SHPRH: variants seen among roughly 807,000 people sequenced by gnomAD.
The protein encoded by SHPRH is E3 ubiquitin-protein ligase SHPRH.
In SHPRH, 106 loss-of-function variants were observed where a neutral mutation model predicts 202.5. The observed-to-expected ratio is 0.52, with a 90% CI of 0.45 to 0.62. The LOEUF is 0.62. Ranked by LOEUF, SHPRH falls within the 20% of genes least tolerant of loss-of-function variation. The probability of loss-of-function intolerance (pLI) is 0.00; values close to 1 mark genes in which losing one functional copy is unlikely to be tolerated. For synonymous variants in SHPRH, 729 were observed against 686.0 expected (o/e 1.06, Z -0.98); for missense variants, 1,710 against 2,020.0 (o/e 0.85, Z 2.94).
intron 19 of SHPRH, 44 bp from the exon 20 acceptor site, chr6:145,922,392 G>A: frequency 6.5e-7 from 1 of 1,529,932 alleles, no homozygotes; most frequent in Middle Eastern, 1.8e-4. Context: ...AACATAACCA[G>A]CAATCTGGTA....
intron 8 of SHPRH, among the ~76,000 whole-genome samples, chr6:145,944,679 C>T (rs1001285099): frequency 2.0e-5 from 3 of 151,796 alleles, no homozygotes; most frequent in African/African-American, 7.3e-5. Context: ...TCTTGGTGGC[C>T]GAGCTGGTAG....
chr6:145,955,293 T>A lies in SHPRH; in HGVS notation c.30A>T (p.Pro10=). The change falls in exon 2 of 30, where the codon CCA becomes CCT. Residue 10 remains proline, a synonymous_variant. Coordinates refer to ENST00000275233, the MANE Select transcript of SHPRH (RefSeq NM_001042683.3). The part of the protein sequence containing the change: MSSRRKRAP[P]VRVDEEKRQQ... Reference sequence around the variant, plus strand: ...GCCTCTTTTCCTCATCTACCCTCACTGGAGGAGCACGTTTCCGTCGGCTGC... The same window carrying A: ...GCCTCTTTTCCTCATCTACCCTCACAGGAGGAGCACGTTTCCGTCGGCTGC... 1 of 1,604,872 alleles carries A rather than the reference T, an allele frequency of 6.2e-7. No homozygotes were observed. The highest frequency in any genetic ancestry group is 8.5e-7 in the Non-Finnish European group (1 of 1,176,384).
chr6:145,961,093 G>A (rs552389854), intron 1 of SHPRH, among the ~76,000 whole-genome samples: 6 of 152,054 alleles, frequency 3.9e-5, no homozygotes, highest in Admixed American at 1.3e-4. Flanking sequence ...AATGCAGCCC[G>A]GTTCTAACAG....
In SHPRH at chr6:145,885,700, G is replaced by A. The variant is rs1030222133; in HGVS notation, c.*991C>T. The A allele has an allele frequency of 4.6e-5, 7 of 152,096 alleles. 1 individual carries two copies. The highest frequency in any genetic ancestry group is 1.3e-4 in the Admixed American group (2 of 15,252). 9.4% of individuals were successfully genotyped at this position (152,096 alleles called of 1,614,324 possible). On this transcript the variant is annotated 3_prime_UTR_variant, in exon 30 of 30. Transcript: ENST00000275233. The stretch of plus-strand genomic sequence containing the variant: ...GCTTATGTGAACATGGCATTCTCTT[G>A]TTCAAAAGGTCAAAGACTCGTGCTT...
In SHPRH at chr6:145,948,413, A is replaced by T. The variant is rs1417383868; in HGVS notation, c.983-63T>A. 5 of 1,292,626 alleles carry T rather than the reference A, an allele frequency of 3.9e-6. No individual in the cohort carries two copies. In the Admixed American group the frequency reaches 7.6e-5, roughly 20 times the overall value. 80.1% of individuals were successfully genotyped at this position (1,292,626 alleles called of 1,614,324 possible). ...TTCCCTTCAGTCAGATAATCACATT[A>T]AAAAAAGAATAGGTTAACAGTGAGG... On this transcript the variant is annotated intron_variant, in intron 4 of 29. Coordinates refer to ENST00000275233, the MANE Select transcript of SHPRH (RefSeq NM_001042683.3).
At position 145,923,684 on chromosome 6, in the gene SHPRH, G is replaced by A. The variant is rs1321662879; in HGVS notation, c.3504C>T (p.Ser1168=). 1 of 1,611,598 alleles carries A rather than the reference G, an allele frequency of 6.2e-7. No homozygotes were observed. Among genetic ancestry groups the A allele is most frequent in the East Asian group, 2.2e-5 (1 of 44,788 alleles). Residue 1168 remains serine, a synonymous_variant, in exon 18 of 30, where the codon AGC becomes AGT. Coordinates refer to ENST00000275233, the MANE Select transcript of SHPRH (RefSeq NM_001042683.3). ...LVQRVRNEIT[S]NYKQQTGKLS... is the part of the protein sequence containing the mutation. Reference sequence around the variant, plus strand: ...GCTTGCCAGTTTGTTGCTTGTAGTTGCTGGTTATTTCATTTCGCACTCGCT... The same window carrying A: ...GCTTGCCAGTTTGTTGCTTGTAGTTACTGGTTATTTCATTTCGCACTCGCT...
rs1780900873 is a variant in SHPRH, at chr6:145,885,275, T to C, written c.*1416A>G. The C allele has an allele frequency of 6.6e-6, 1 of 152,384 alleles. No homozygotes were observed. The highest frequency in any genetic ancestry group is 2.4e-5 in the African/African-American group (1 of 41,466). The allele number at this position is 152,384 out of a possible 1,614,324, so 9.4% of individuals were successfully genotyped here. ...ATGTGAAGAGCTATAAAAATAACAGTTTGATTTAATTTCATATAAAAGAAT... is the reference window on the plus strand; with the variant it reads ...ATGTGAAGAGCTATAAAAATAACAGCTTGATTTAATTTCATATAAAAGAAT... On this transcript the variant is annotated 3_prime_UTR_variant, in exon 30 of 30. Coordinates refer to ENST00000275233, the MANE Select transcript of SHPRH (RefSeq NM_001042683.3).
intron 15 of SHPRH, among the ~76,000 whole-genome samples, chr6:145,926,758 A>G (rs1162064106): frequency 2.0e-5 from 3 of 151,920 alleles, no homozygotes; most frequent in Non-Finnish European, 4.4e-5. Flanking sequence ...GGAAAGAGAA[A>G]TAAGTGTTAT....
intron 4 of SHPRH, among the ~76,000 whole-genome samples, chr6:145,949,760 TC>T: frequency 6.6e-6 from 1 of 152,032 alleles, no homozygotes; most frequent in East Asian, 1.9e-4. Flanking sequence ...CATAAATGCC[TC>T]CCGTAAAACT....
At chr6:145,865,475 G>A (rs2249386) in intron 2 of SHPRH, among the ~76,000 whole-genome samples, 55,886 of 152,040 alleles carry the variant, frequency 0.37, 10,750 homozygotes, top group South Asian at 0.48. Context: ...ATGAATGAAC[G>A]AATAAAATCT....
chr6:145,861,293 C>T (rs1779570672), downstream of SHPRH, among the ~76,000 whole-genome samples: 1 of 151,726 alleles, frequency 6.6e-6, no homozygotes, highest in African/African-American at 2.4e-5. Context: ...GGACCTGAAC[C>T]AACATTTATC....
At chr6:145,901,639 C>A (rs1216157075) in intron 25 of SHPRH, among the ~76,000 whole-genome samples, 1 of 152,066 alleles carries the variant, frequency 6.6e-6, no homozygotes, top group Non-Finnish European at 1.5e-5. Context: ...CAAAGTTAAG[C>A]TGGAATGTTA....
intron 2 of SHPRH, among the ~76,000 whole-genome samples, chr6:145,867,621 T>TAGAGAG (rs1228047772): frequency 3.6e-4 from 25 of 69,998 alleles, no homozygotes; most frequent in African/African-American, 8.4e-4. Context: ...TATATATATA[T>TAGAGAG]ATATATATAT....
intron 1 of SHPRH, among the ~76,000 whole-genome samples, chr6:145,955,919 G>A (rs1212251741): frequency 6.6e-6 from 1 of 152,196 alleles, no homozygotes; most frequent in East Asian, 1.9e-4. Flanking sequence ...GTTAAAGGTA[G>A]AGGAAAACAT....
chr6:145,882,988 T>C (rs1780694034), downstream of SHPRH, among the ~76,000 whole-genome samples: 1 of 152,128 alleles, frequency 6.6e-6, no homozygotes, highest in African/African-American at 2.4e-5. Flanking sequence ...CTTGGACAAA[T>C]GGCTCCTCTA....
chr6:145,869,583 A>G (rs978523467), intron 2 of SHPRH, among the ~76,000 whole-genome samples: 1 of 152,174 alleles, frequency 6.6e-6, no homozygotes, highest in Non-Finnish European at 1.5e-5. Flanking sequence ...TGAGAAGACA[A>G]TCTTTGCTTC....
intron 15 of SHPRH, 82 bp from the exon 16 acceptor site, chr6:145,926,378 A>T (rs890814436): frequency 9.2e-7 from 1 of 1,083,998 alleles, no homozygotes; most frequent in Admixed American, 1.8e-5. Context: ...TGGCACACAG[A>T]ACACTAACAC....
chr6:145,946,455 G>GC, intron 6 of SHPRH, 114 bp from the exon 7 acceptor site: 1 of 783,130 alleles, frequency 1.3e-6, no homozygotes, highest in Admixed American at 3.4e-5. Flanking sequence ...TAAAAAAATT[G>GC]CAAGAGAAAG....
rs1785918232 is a variant in SHPRH, at chr6:145,935,044, C to G, written c.2853G>C (p.Lys951Asn). The G allele has an allele frequency of 6.2e-7, 1 of 1,613,922 alleles. No individual in the cohort carries two copies. Among genetic ancestry groups the G allele is most frequent in the Non-Finnish European group, 8.5e-7 (1 of 1,180,016 alleles). ...TGAGCTTCAGAGCCCAGTCAGAAAT[C>G]TTCCTGAGTTTTACCACCACATCCT... ...CCQDVVVKLRKISDWALKLSS... is the reference protein window; with the variant it reads ...CCQDVVVKLRNISDWALKLSS... Residue 951 changes from lysine (K) to asparagine (N), a missense_variant, in exon 13 of 30, where the codon AAG becomes AAC. By Grantham distance (94) the Lys-to-Asn change is moderately conservative. Transcript: ENST00000275233.
Sources: allele counts gnomAD v4.1 joint callset (sites outside exome capture counted in the v4.1 genomes callset), GRCh38; gene constraint gnomAD v4.1.1; transcripts MANE v1.5; gene names NCBI Gene and HGNC (gene_info 2026-07-23, HGNC 2026-07-21).